Variants in NPR1 observed in about 807,000 individuals in gnomAD.
The protein encoded by NPR1 is natriuretic peptide receptor 1, also known as atrial natriuretic peptide receptor 1.
In NPR1, 57 loss-of-function variants were observed where a neutral mutation model predicts 116.9. The observed-to-expected ratio is 0.49, with a 90% CI of 0.39 to 0.61. The LOEUF (loss-of-function observed/expected upper bound fraction) is 0.61. Ranked by LOEUF, NPR1 falls within the 20% of genes least tolerant of loss-of-function variation. The pLI, the probability that NPR1 is intolerant of heterozygous loss-of-function variation, is 0.00. For synonymous variants in NPR1, 555 were observed against 601.6 expected (o/e 0.92, Z 1.13); for missense variants, 1,096 against 1,409.8 (o/e 0.78, Z 3.56).
At position 153,679,260 on chromosome 1, in the gene NPR1, C is replaced by G; in HGVS notation, c.152C>G (p.Ser51Trp). The change falls in exon 1 of 22, where the codon TCG becomes TGG. Residue 51 changes from serine (S) to tryptophan (W), a missense_variant. By Grantham distance (177) the Ser-to-Trp change is radical. Coordinates refer to ENST00000368680, the MANE Select transcript of NPR1 (RefSeq NM_000906.4). The surrounding 1 kb of genome is among the most constrained non-coding windows in gnomAD (Gnocchi z 4.2). ...LPLANTSYPWSWARVGPAVEL... is the reference protein window; with the variant it reads ...LPLANTSYPWWWARVGPAVEL... ...CTGGCCAATACCTCGTACCCCTGGTCGTGGGCGCGCGTGGGACCCGCCGTG... is the reference window on the plus strand; with the variant it reads ...CTGGCCAATACCTCGTACCCCTGGTGGTGGGCGCGCGTGGGACCCGCCGTG... 1 of 1,527,980 alleles carries G rather than the reference C, an allele frequency of 6.5e-7. No homozygotes were observed. The highest frequency in any genetic ancestry group is 8.8e-7 in the Non-Finnish European group (1 of 1,142,720). 94.7% of individuals were successfully genotyped at this position (1,527,980 alleles called of 1,614,324 possible).
At position 153,687,035 on chromosome 1, in the gene NPR1, G is replaced by A; in HGVS notation, c.1883G>A (p.Ser628Asn). The change falls in exon 12 of 22, where the codon AGC becomes AAC. Residue 628 changes from serine (S) to asparagine (N), a missense_variant. By Grantham distance (46) the Ser-to-Asn change is conservative (BLOSUM62 1). Coordinates refer to ENST00000368680, the MANE Select transcript of NPR1 (RefSeq NM_000906.4). ...CAGCAGGACATTCTGGAGAATGAGA[G>A]CATCACCCTGGACTGGATGTTCCGG... is the stretch of plus-strand genomic sequence containing the variant. ...GSLQDILENE[S>N]ITLDWMFRYS... is the part of the protein sequence containing the mutation. 1.9e-6 allele frequency: 3 copies of A among 1,614,158 alleles called. No homozygotes were observed. The highest frequency in any genetic ancestry group is 2.5e-6 in the Non-Finnish European group (3 of 1,179,996).
chr1:153,692,900 CAGAGTTCTAAATGAG>C (rs1440054995), intron 20 of NPR1, among the ~76,000 whole-genome samples, 191 bp from the exon 21 acceptor site: 1 of 152,116 alleles, frequency 6.6e-6, no homozygotes, highest in Non-Finnish European at 1.5e-5. Flanking sequence ...TACACAGCTC[CAGAGTTCTAAATGAG>C]AGGCTAATGT....
intron 11 of NPR1, 125 bp from the exon 12 acceptor site, chr1:153,686,891 G>A: frequency 7.9e-7 from 1 of 1,259,618 alleles, no homozygotes; most frequent in Non-Finnish European, 1.1e-6. Context: ...GGGAAGGGCA[G>A]TGGCACTAGA....
chr1:153,683,881 G>T, intron 7 of NPR1, 57 bp downstream of exon 7: 1 of 1,498,564 alleles, frequency 6.7e-7, no homozygotes, highest in East Asian at 2.3e-5. Context: ...ACCAATAGCA[G>T]AGGAGGCGGT....
chr1:153,689,435 G>A lies in NPR1; in HGVS notation c.2689-18G>A. The A allele has an allele frequency of 6.2e-7, 1 of 1,614,080 alleles. No homozygotes were observed. The highest frequency in any genetic ancestry group is 1.1e-5 in the South Asian group (1 of 91,084). ...GGTCCCCTACTTCCTGTCTCTCTTA[G>A]CTTCTCTTCCCTTCCAGGTGGTGAC... On this transcript the variant is annotated intron_variant, in intron 17 of 21. Coordinates refer to ENST00000368680, the MANE Select transcript of NPR1 (RefSeq NM_000906.4). This position sits in a 1 kb window ranked among gnomAD's most constrained non-coding sequence, Gnocchi z 5.1.
chr1:153,688,289 G>T, intron 15 of NPR1, 68 bp downstream of exon 15: 2 of 1,541,460 alleles, frequency 1.3e-6, no homozygotes, highest in Non-Finnish European at 1.8e-6. Flanking sequence ...AATGCTTCTG[G>T]CTCTGGCTTA....
Position 153,687,178 on chromosome 1 carries a change from C to A in NPR1, c.1936-22C>A, listed in dbSNP as rs745622407. ...TGTAGGTCCCACTCCTGGCCAATAC[C>A]TCTGCCCACTCACATTTCCAGGGCA... is the stretch of plus-strand genomic sequence containing the variant. On this transcript the variant is annotated intron_variant, in intron 12 of 21. Transcript: ENST00000368680. 63 of 1,613,730 alleles carry A rather than the reference C, an allele frequency of 3.9e-5. No homozygotes were observed. In the South Asian group the frequency reaches 6.9e-4, roughly 18 times the overall value.
intron 15 of NPR1, 101 bp from the exon 16 acceptor site, chr1:153,688,852 A>G (rs1670006573): frequency 4.2e-6 from 6 of 1,434,510 alleles, no homozygotes; most frequent in South Asian, 1.2e-5. Flanking sequence ...GTCTCTAGAG[A>G]CCTCACTGCA....
At position 153,679,149 on chromosome 1, in the gene NPR1, T is replaced by C; in HGVS notation, c.41T>C (p.Leu14Pro). 6.8e-7 allele frequency: 1 copy of C among 1,477,822 alleles called. No homozygotes were observed. The highest frequency in any genetic ancestry group is 2.2e-4 in the Middle Eastern group (1 of 4,474). 91.5% of individuals were successfully genotyped at this position (1,477,822 alleles called of 1,614,324 possible). The change falls in exon 1 of 22, where the codon CTG becomes CCG. Residue 14 changes from leucine (L) to proline (P), a missense_variant. Coordinates refer to ENST00000368680, the MANE Select transcript of NPR1 (RefSeq NM_000906.4). The surrounding 1 kb of genome is among the most constrained non-coding windows in gnomAD (Gnocchi z 4.2). Reference sequence around the variant, plus strand: ...CGCCCCGCTGGCTCCCGCCTGCGCCTGCTCCTGCTCCTGCTGCTGCCGCCG... The same window carrying C: ...CGCCCCGCTGGCTCCCGCCTGCGCCCGCTCCTGCTCCTGCTGCTGCCGCCG... The part of the protein sequence containing the change: ...PRRPAGSRLR[L>P]LLLLLLPPLL...
At chr1:153,681,891 G>C in intron 4 of NPR1, 52 bp downstream of exon 4, 2 of 1,598,104 alleles carry the variant, frequency 1.3e-6, no homozygotes, top group African/African-American at 1.3e-5. Context: ...TGAATCCCAG[G>C]TGCCCAGTGT....
At chr1:153,682,472 A>G (rs532224804) in intron 4 of NPR1, 26 bp from the exon 5 acceptor site, 1 of 1,574,560 alleles carries the variant, frequency 6.4e-7, no homozygotes, top group Non-Finnish European at 8.7e-7. Flanking sequence ...TCTCTCAAAC[A>G]TAGTCATCTT....
Position 153,689,467 on chromosome 1 carries a change from C to G in NPR1, c.2703C>G (p.Leu901=), listed in dbSNP as rs55695442. ...TTCCCTTCCAGGTGGTGACCCTGCTCAATGACCTGTACACTTGCTTTGATG... is the reference window on the plus strand; with the variant it reads ...TTCCCTTCCAGGTGGTGACCCTGCTGAATGACCTGTACACTTGCTTTGATG... ...ESTPMQVVTL[L]NDLYTCFDAV... The change falls in exon 18 of 22, where the codon CTC becomes CTG. Residue 901 remains leucine (L), a synonymous_variant. Coordinates refer to ENST00000368680, the MANE Select transcript of NPR1 (RefSeq NM_000906.4). The surrounding 1 kb of genome is among the most constrained non-coding windows in gnomAD (Gnocchi z 5.1). 440 of 1,614,132 alleles carry G rather than the reference C, an allele frequency of 2.7e-4. 3 individuals carry two copies. In the East Asian group the frequency reaches 8.1e-3, roughly 30 times the overall value.
chr1:153,688,909 G>C, intron 15 of NPR1, 44 bp from the exon 16 acceptor site: 3 of 1,612,692 alleles, frequency 1.9e-6, no homozygotes, highest in Non-Finnish European at 1.7e-6. Flanking sequence ...GGTAGGCTGT[G>C]CTGCTCCTCT....
In NPR1 at chr1:153,679,976, T is replaced by A. The variant is rs1557959711; in HGVS notation, c.721+147T>A. 2.7e-6 allele frequency: 3 copies of A among 1,130,968 alleles called. No homozygotes were observed. Among genetic ancestry groups the A allele is most frequent in the Non-Finnish European group, 3.7e-6 (3 of 818,120 alleles). 70.1% of individuals were successfully genotyped at this position (1,130,968 alleles called of 1,614,324 possible). On this transcript the variant is annotated intron_variant, in intron 1 of 21. Transcript: ENST00000368680. This position sits in a 1 kb window ranked among gnomAD's most constrained non-coding sequence, Gnocchi z 4.2. ...TTCTACTTTCAGCTCCCTGGCCCTT[T>A]CTACAGCTGAGTTTCTATTTCCCTC... is the stretch of plus-strand genomic sequence containing the variant.
rs1462973944 is a variant in NPR1, at chr1:153,680,894, GGA to G, written c.921+195_921+196del. ...TGGGAATTAGGCAATGAAGGGCAGGGGACTGCCCAGGGGCGCTTCGCCACCAG... is the reference window on the plus strand; with the variant it reads ...TGGGAATTAGGCAATGAAGGGCAGGGCTGCCCAGGGGCGCTTCGCCACCAG... On this transcript the variant is annotated intron_variant, in intron 2 of 21. Coordinates refer to ENST00000368680, the MANE Select transcript of NPR1 (RefSeq NM_000906.4). 79 of 624,756 alleles carry G rather than the reference GGA, an allele frequency of 1.3e-4. No individual in the cohort carries two copies. In the African/African-American group the frequency reaches 1.3e-3, roughly 10 times the overall value. The allele number at this position is 624,756 out of a possible 1,614,324, so 38.7% of individuals were successfully genotyped here.
In NPR1 at chr1:153,679,732, C is replaced by T. The variant is rs1312745789; in HGVS notation, c.624C>T (p.Arg208=). The T allele has an allele frequency of 1.2e-6, 2 of 1,603,518 alleles. No individual in the cohort carries two copies. Among genetic ancestry groups the T allele is most frequent in the African/African-American group, 2.7e-5 (2 of 74,952 alleles). Residue 208 remains arginine (R), a synonymous_variant, in exon 1 of 22, where the codon CGC becomes CGT. Transcript: ENST00000368680. The surrounding 1 kb of genome is among the most constrained non-coding windows in gnomAD (Gnocchi z 4.2). ...FLVEGLFMRV[R]DRLNITVDHL... ...TGGAGGGGCTGTTCATGCGGGTCCG[C>T]GACCGCCTCAATATTACGGTGGACC...
intron 20 of NPR1, among the ~76,000 whole-genome samples, chr1:153,691,419 C>G (rs1333960626): frequency 6.6e-6 from 1 of 152,158 alleles, no homozygotes; most frequent in East Asian, 1.9e-4. Flanking sequence ...TGGCCCAGAT[C>G]CAGAGTTAGC....
At chr1:153,683,249 G>A (rs1669832012) in intron 5 of NPR1, 127 bp from the exon 6 acceptor site, 2 of 1,119,294 alleles carry the variant, frequency 1.8e-6, no homozygotes, top group East Asian at 5.3e-5. Flanking sequence ...TGGTAAGCAG[G>A]TGACAACCCA....
rs1189924933 is a variant in NPR1, at chr1:153,690,068, A to ATCTCTC, written c.2932+122_2932+127dup. 154 of 680,146 alleles carry ATCTCTC rather than the reference A, an allele frequency of 2.3e-4. 2 individuals carry two copies. Among genetic ancestry groups the ATCTCTC allele is most frequent in the East Asian group, 7.2e-4 (18 of 25,164 alleles). 42.1% of individuals were successfully genotyped at this position (680,146 alleles called of 1,614,324 possible). ...CCCTGGCCCAGCCCCTCGCCCTTTC[A>ATCTCTC]TCTCTCTCTCTCTCTCTCTCTCTCT... is the stretch of plus-strand genomic sequence containing the variant. On this transcript the variant is annotated intron_variant, in intron 19 of 21. Transcript: ENST00000368680.
Sources: gnomAD v4.1 joint callset for allele counts (sites outside exome capture counted in the v4.1 genomes callset) on GRCh38, gnomAD v4.1.1 for gene constraint, Gnocchi (gnomAD v3.1) non-coding constraint, MANE v1.5 for transcripts, NCBI Gene and HGNC (gene_info 2026-07-23, HGNC 2026-07-21) for gene names.